Variants in PLCB1 observed in about 807,000 individuals in gnomAD.
PLCB1 encodes 1-phosphatidylinositol 4,5-bisphosphate phosphodiesterase beta-1.
In PLCB1, 46 loss-of-function variants were observed where a neutral mutation model predicts 161.8. The observed-to-expected ratio is 0.28, with a 90% CI of 0.22 to 0.36. The LOEUF is 0.36. Ranked by LOEUF, PLCB1 falls within the 10% of genes least tolerant of loss-of-function variation. The probability of loss-of-function intolerance (pLI) is 1.00; values close to 1 mark genes in which losing one functional copy is unlikely to be tolerated. For synonymous variants in PLCB1, 517 were observed against 503.7 expected (o/e 1.03, Z -0.35); for missense variants, 1,016 against 1,472.5 (o/e 0.69, Z 5.07).
At chr20:8,877,053 G>GAATT (rs10644439) in intron 31 of PLCB1, among the ~76,000 whole-genome samples, 57,545 of 151,718 alleles carry the variant, frequency 0.38, 11,339 homozygotes, top group South Asian at 0.59. Flanking sequence ...GAGGGGTGAA[G>GAATT]AATTACTGCC....
chr20:8,315,033 C>T (rs1984576520), intron 2 of PLCB1, among the ~76,000 whole-genome samples: 1 of 152,110 alleles, frequency 6.6e-6, no homozygotes, highest in Non-Finnish European at 1.5e-5. Flanking sequence ...GAGCTCAAAG[C>T]CAACAGGGAA....
chr20:8,618,254 G>A (rs1018271392), intron 3 of PLCB1, among the ~76,000 whole-genome samples: 3 of 152,112 alleles, frequency 2.0e-5, no homozygotes, highest in Non-Finnish European at 4.4e-5. Context: ...ATCAGTGCAG[G>A]CCAACAACTA....
rs574837691 is a variant in PLCB1 at position 8,545,170 on chromosome 20, G to A, written c.247-83124G>A. On this transcript the variant is annotated intron_variant, in intron 3 of 31. Coordinates refer to ENST00000338037, the MANE Select transcript of PLCB1 (RefSeq NM_015192.4). ...ACACTTGTCTCTCGGAAACCTTCCT[G>A]AGAAAAGTGGTGTTTGAAGTGAGCA... Among the ~76,000 whole-genome samples, 3 of 152,328 alleles carry A rather than the reference G, an allele frequency of 2.0e-5. 1 individual carries two copies. The highest frequency in any genetic ancestry group is 2.0e-4 in the Admixed American group (3 of 15,302).
intron 2 of PLCB1, among the ~76,000 whole-genome samples, chr20:8,296,576 G>A (rs1360847071): frequency 1.3e-5 from 2 of 152,168 alleles, no homozygotes; most frequent in Non-Finnish European, 2.9e-5. Context: ...TAGGAGGAAA[G>A]GTGATTTAAG....
At chr20:8,568,406 A>G (rs961302490) in intron 3 of PLCB1, among the ~76,000 whole-genome samples, 1 of 152,200 alleles carries the variant, frequency 6.6e-6, no homozygotes, top group South Asian at 2.1e-4. Context: ...TCCTTAAAGC[A>G]TAATGATTAA....
At chr20:8,806,015 C>T (rs563337917) in intron 31 of PLCB1, among the ~76,000 whole-genome samples, 4 of 152,238 alleles carry the variant, frequency 2.6e-5, no homozygotes, top group South Asian at 2.1e-4. Flanking sequence ...TCCACAAGAT[C>T]GTGGCTAAAT....
At chr20:8,848,028 C>T (rs911406365) in intron 31 of PLCB1, among the ~76,000 whole-genome samples, 2 of 152,186 alleles carry the variant, frequency 1.3e-5, no homozygotes, top group African/African-American at 4.8e-5. Flanking sequence ...TGATGGAAGA[C>T]AGAAGAGCAA....
chr20:8,296,310 C>T (rs1475218489), intron 2 of PLCB1, among the ~76,000 whole-genome samples: 2 of 152,108 alleles, frequency 1.3e-5, no homozygotes, highest in East Asian at 1.9e-4. Flanking sequence ...TTGGAGTCAC[C>T]TCCCATCACC....
chr20:8,646,921 T>G (rs1386880847), intron 5 of PLCB1, among the ~76,000 whole-genome samples: 2 of 152,194 alleles, frequency 1.3e-5, no homozygotes, highest in African/African-American at 4.8e-5. Flanking sequence ...TAATAGGTGG[T>G]CCTCTATTTT....
chr20:8,793,106 C>T (rs116222794), intron 31 of PLCB1, among the ~76,000 whole-genome samples: 3 of 152,038 alleles, frequency 2.0e-5, no homozygotes. Context: ...AAAGCAGAAA[C>T]AAAACAAGGA....
intron 2 of PLCB1, among the ~76,000 whole-genome samples, chr20:8,233,105 C>T (rs1036869954): frequency 2.0e-5 from 3 of 152,126 alleles, no homozygotes; most frequent in Non-Finnish European, 4.4e-5. Context: ...AGCATGACCA[C>T]CAAATCACCT....
At chr20:8,749,811 C>T (rs748887422) in intron 23 of PLCB1, among the ~76,000 whole-genome samples, 1 of 152,158 alleles carries the variant, frequency 6.6e-6, no homozygotes, top group Non-Finnish European at 1.5e-5. Flanking sequence ...TCTTTTCATT[C>T]ATTGATTTAT....
intron 2 of PLCB1, among the ~76,000 whole-genome samples, chr20:8,183,270 C>A (rs965828740): frequency 5.3e-5 from 8 of 152,134 alleles, no homozygotes; most frequent in African/African-American, 1.9e-4. Flanking sequence ...ATTTTAACAT[C>A]ATTAAGTGGC....
chr20:8,671,576 C>T (rs890505269), intron 9 of PLCB1, among the ~76,000 whole-genome samples: 6 of 152,142 alleles, frequency 3.9e-5, no homozygotes, highest in African/African-American at 9.7e-5. Context: ...ATTTGTCCAC[C>T]GGAGCTCAGC....
intron 2 of PLCB1, among the ~76,000 whole-genome samples, chr20:8,346,155 C>G (rs184074249): frequency 1.3e-5 from 2 of 152,288 alleles, no homozygotes; most frequent in Admixed American, 1.3e-4. Context: ...TAAAAGTATT[C>G]AGGTTGTCAC....
chr20:8,621,013 A>G (rs1988169485), intron 3 of PLCB1, among the ~76,000 whole-genome samples: 1 of 152,172 alleles, frequency 6.6e-6, no homozygotes. Context: ...CAAAATAGGA[A>G]AACTTAAATC....
chr20:8,699,296 T>C (rs900658781), intron 11 of PLCB1, among the ~76,000 whole-genome samples: 2 of 152,170 alleles, frequency 1.3e-5, no homozygotes, highest in Non-Finnish European at 2.9e-5. Flanking sequence ...GACAAGGCCA[T>C]TGAACATGGG....
chr20:8,176,692 A>G (rs967046297), intron 2 of PLCB1, among the ~76,000 whole-genome samples: 1 of 152,204 alleles, frequency 6.6e-6, no homozygotes, highest in African/African-American at 2.4e-5. Context: ...TTGTATCAAT[A>G]TCAATGTCCT....
chr20:8,548,206 T>TTTCC (rs71183098), intron 3 of PLCB1, among the ~76,000 whole-genome samples: 26 of 142,998 alleles, frequency 1.8e-4, no homozygotes, highest in Middle Eastern at 3.6e-3. Flanking sequence ...TCCCATTTTC[T>TTTCC]TTCCTTCCTT....
Sources: gnomAD v4.1 joint callset for allele counts (sites outside exome capture counted in the v4.1 genomes callset) on GRCh38, gnomAD v4.1.1 for gene constraint, MANE v1.5 for transcripts, NCBI Gene and HGNC (gene_info 2026-07-23, HGNC 2026-07-21) for gene names.